Variants in CIMIP3 observed in about 807,000 individuals in gnomAD.
CIMIP3 encodes GUCA1A neighbor.
At chr6:42,159,570 G>A in the CIMIP3 span, among the ~76,000 whole-genome samples, 65 of 152,366 alleles carry the variant, frequency 4.3e-4, no homozygotes, top group African/African-American at 1.5e-3. Context: ...AAATCCCACA[G>A]TGTTCTTGCC....
At chr6:42,156,929 G>A in the CIMIP3 span, among the ~76,000 whole-genome samples, 1 of 152,234 alleles carries the variant, frequency 6.6e-6, no homozygotes, top group Non-Finnish European at 1.5e-5. Flanking sequence ...TTTCAATAAG[G>A]CACAAGGCCT....
At chr6:42,163,081 T>A in the CIMIP3 span, 2 of 716,684 alleles carry the variant, frequency 2.8e-6, no homozygotes, top group Admixed American at 4.0e-5. Flanking sequence ...AGGGGCAGAA[T>A]CCGGACAAGC....
the CIMIP3 span, among the ~76,000 whole-genome samples, chr6:42,161,378 G>C: frequency 6.6e-6 from 1 of 152,046 alleles, no homozygotes; most frequent in Non-Finnish European, 1.5e-5. Context: ...GCTGAAGCCT[G>C]GGGGAGCAGA....
At chr6:42,163,397 G>A in the CIMIP3 span, 3 of 407,498 alleles carry the variant, frequency 7.4e-6, no homozygotes, top group East Asian at 3.5e-5. Flanking sequence ...ATGATAAAGG[G>A]AGGTCTCTCT....
the CIMIP3 span, among the ~76,000 whole-genome samples, chr6:42,160,852 A>G: frequency 6.6e-6 from 1 of 152,368 alleles, no homozygotes; most frequent in African/African-American, 2.4e-5. Flanking sequence ...GCTTTGGAGG[A>G]AAGCCCTGGA....
chr6:42,162,415 T>TC, the CIMIP3 span, among the ~76,000 whole-genome samples: 1 of 149,990 alleles, frequency 6.7e-6, no homozygotes, highest in East Asian at 2.0e-4. Context: ...AACTCTTTTT[T>TC]TTTTTTTTTG....
chr6:42,162,993 C>T, the CIMIP3 span: 7 of 715,090 alleles, frequency 9.8e-6, no homozygotes, highest in Admixed American at 8.0e-5. Context: ...GCTCCACACT[C>T]GTCCCGGCCC....
At chr6:42,155,695 G>A in the CIMIP3 span, 2 of 710,656 alleles carry the variant, frequency 2.8e-6, no homozygotes, top group Non-Finnish European at 5.3e-6. Flanking sequence ...CTGGGGAGAT[G>A]GAGAGAGGGA....
chr6:42,162,284 G>A, the CIMIP3 span, among the ~76,000 whole-genome samples: 1 of 149,890 alleles, frequency 6.7e-6, no homozygotes, highest in African/African-American at 2.4e-5. Context: ...CGTGGTGGCG[G>A]GTGCCTGTAA....
the CIMIP3 span, among the ~76,000 whole-genome samples, chr6:42,162,369 C>T: frequency 4.7e-5 from 7 of 150,008 alleles, no homozygotes; most frequent in Middle Eastern, 3.2e-3. Flanking sequence ...GAGCCGAGAT[C>T]GTGCCATTGT....
the CIMIP3 span, among the ~76,000 whole-genome samples, chr6:42,158,533 G>A: frequency 1.3e-5 from 2 of 152,234 alleles, no homozygotes; most frequent in Non-Finnish European, 2.9e-5. Flanking sequence ...GTGGGCCCAA[G>A]CCAGGGCCTG....
the CIMIP3 span, among the ~76,000 whole-genome samples, chr6:42,159,194 G>C: frequency 1.3e-5 from 2 of 152,174 alleles, no homozygotes; most frequent in African/African-American, 2.4e-5. Context: ...CATTTTTGTT[G>C]TCACGACTGG....
At chr6:42,155,598 G>A in the CIMIP3 span, 2 of 717,494 alleles carry the variant, frequency 2.8e-6, no homozygotes, top group Non-Finnish European at 5.2e-6. Context: ...TGGGAGGTAG[G>A]TCCTCTTACA....
chr6:42,157,556 CT>C, the CIMIP3 span, among the ~76,000 whole-genome samples: 340 of 143,550 alleles, frequency 2.4e-3, no homozygotes, highest in South Asian at 6.4e-3. Context: ...GCTCTTTTTT[CT>C]TTTTTTTTTT....
the CIMIP3 span, among the ~76,000 whole-genome samples, chr6:42,157,262 T>C: frequency 6.6e-6 from 1 of 152,188 alleles, no homozygotes; most frequent in South Asian, 2.1e-4. Flanking sequence ...AGACAAGGTC[T>C]CACTCTGTCA....
At chr6:42,162,851 G>GC in the CIMIP3 span, 3 of 586,036 alleles carry the variant, frequency 5.1e-6, no homozygotes, top group South Asian at 6.4e-5. Flanking sequence ...CCTCCCTTCT[G>GC]CCCCTGGCAT....
chr6:42,163,168 C>T, the CIMIP3 span: 4 of 628,282 alleles, frequency 6.4e-6, no homozygotes, highest in Non-Finnish European at 1.2e-5. Context: ...CTACCTGTGG[C>T]TACCTGTACC....
the CIMIP3 span, among the ~76,000 whole-genome samples, chr6:42,159,564 C>G: frequency 4.3e-4 from 66 of 152,340 alleles, no homozygotes; most frequent in Middle Eastern, 6.8e-3. Context: ...CAGTCAAAAT[C>G]CCACAGTGTT....
At chr6:42,162,280 G>A in the CIMIP3 span, among the ~76,000 whole-genome samples, 1 of 150,248 alleles carries the variant, frequency 6.7e-6, no homozygotes, top group East Asian at 2.0e-4. Context: ...CGGGCGTGGT[G>A]GCGGGTGCCT....
Sources: gnomAD v4.1 joint callset for allele counts (sites outside exome capture counted in the v4.1 genomes callset) on GRCh38, gnomAD v4.1.1 for gene constraint, MANE v1.5 for transcripts, NCBI Gene and HGNC (gene_info 2026-07-23, HGNC 2026-07-21) for gene names.